ARHGEF4: variants seen among roughly 807,000 people sequenced by gnomAD.
ARHGEF4 encodes the protein APC-stimulated guanine nucleotide exchange factor 1.
A neutral mutation model predicts 162.0 loss-of-function variants in ARHGEF4; 119 were observed. The observed-to-expected ratio is 0.73, with a 90% CI of 0.63 to 0.86. The LOEUF (loss-of-function observed/expected upper bound fraction) is 0.86. Ranked by LOEUF, ARHGEF4 falls within the 40% of genes least tolerant of loss-of-function variation. The pLI is 0.00. For missense variants in ARHGEF4, 2,488 were observed against 2,456.0 expected (o/e 1.01, Z -0.28); for synonymous variants, 1,014 against 979.9 (o/e 1.03, Z -0.65).
chr2:131,031,789 G>A (rs1264016647), intron 5 of ARHGEF4, among the ~76,000 whole-genome samples: 1 of 152,192 alleles, frequency 6.6e-6, no homozygotes, highest in African/African-American at 2.4e-5. Flanking sequence ...TGTCTGCCCA[G>A]TTCCTCGCCC....
intron 1 of ARHGEF4, among the ~76,000 whole-genome samples, chr2:130,865,889 C>G (rs922945458): frequency 1.3e-5 from 2 of 152,072 alleles, no homozygotes; most frequent in Non-Finnish European, 2.9e-5. Context: ...TGGTGCCTGA[C>G]CAGCCCAGAG....
intron 3 of ARHGEF4, among the ~76,000 whole-genome samples, chr2:130,942,613 G>A (rs529158745): frequency 2.8e-4 from 42 of 152,228 alleles, no homozygotes; most frequent in African/African-American, 8.4e-4. Context: ...GAATAATAAC[G>A]CATACGTTGA....
intron 1 of ARHGEF4, among the ~76,000 whole-genome samples, chr2:130,855,540 C>T (rs867277269): frequency 2.0e-5 from 3 of 152,254 alleles, no homozygotes; most frequent in Non-Finnish European, 4.4e-5. Context: ...TGACAACCCA[C>T]GTGAAGTGTT....
chr2:130,913,088 C>T (rs1681290286), intron 1 of ARHGEF4, among the ~76,000 whole-genome samples: 1 of 151,994 alleles, frequency 6.6e-6, no homozygotes, highest in Non-Finnish European at 1.5e-5. Context: ...CAGGCATCGG[C>T]TGGGGGTCTT....
At chr2:130,842,201 AG>A (rs1213003794) in intron 1 of ARHGEF4, among the ~76,000 whole-genome samples, 1 of 152,200 alleles carries the variant, frequency 6.6e-6, no homozygotes, top group African/African-American at 2.4e-5. Context: ...AACAGCCTGA[AG>A]CAGCCAGAGA....
At chr2:130,868,042 C>T (rs967963902) in intron 1 of ARHGEF4, among the ~76,000 whole-genome samples, 1 of 150,746 alleles carries the variant, frequency 6.6e-6, no homozygotes, top group Non-Finnish European at 1.5e-5. Context: ...TCTCCTGCCT[C>T]AGCCTCCTGA....
intron 3 of ARHGEF4, among the ~76,000 whole-genome samples, chr2:130,939,645 G>T (rs1236218355): frequency 6.6e-6 from 1 of 152,134 alleles, no homozygotes; most frequent in African/African-American, 2.4e-5. Context: ...AGAATCTGAT[G>T]AGACTGCAGA....
At chr2:130,903,928 G>GGATAAAGTTGATTATCC (rs1559029614) in intron 1 of ARHGEF4, among the ~76,000 whole-genome samples, 1 of 152,148 alleles carries the variant, frequency 6.6e-6, no homozygotes. Context: ...GCCCACCACT[G>GGATAAAGTTGATTATCC]ATGGGCACCT....
intron 1 of ARHGEF4, among the ~76,000 whole-genome samples, chr2:130,854,840 T>G (rs1260435832): frequency 2.1e-5 from 3 of 145,404 alleles, no homozygotes; most frequent in South Asian, 2.2e-4. Context: ...GCTGGAGGAG[T>G]CTGACTTTTA....
Position 131,027,856 on chromosome 2 carries a change from C to T in ARHGEF4, c.3986-89C>T, listed in dbSNP as rs571023123. The T allele has an allele frequency of 1.2e-3, 1,834 of 1,511,912 alleles. 5 individuals carry two copies. The highest frequency in any genetic ancestry group is 1.1e-3 in the Non-Finnish European group (1,268 of 1,105,178). 93.7% of individuals were successfully genotyped at this position (1,511,912 alleles called of 1,614,324 possible). ...TCCCCCTGCAGAAGAAGCATTTGTCCTGAACCCACTGGGCTCCTTCTCCAC... is the reference window on the plus strand; with the variant it reads ...TCCCCCTGCAGAAGAAGCATTTGTCTTGAACCCACTGGGCTCCTTCTCCAC... On this transcript the variant is annotated intron_variant, in intron 4 of 13. Coordinates refer to ENST00000409359, the MANE Select transcript of ARHGEF4 (RefSeq NM_001367493.1).
At chr2:131,025,045 A>G (rs1007662306) in intron 4 of ARHGEF4, among the ~76,000 whole-genome samples, 4 of 152,158 alleles carry the variant, frequency 2.6e-5, no homozygotes, top group African/African-American at 9.7e-5. Flanking sequence ...GACAGAGTGT[A>G]TTAGTCCATT....
chr2:131,023,904 GCCATGGAATT>G (rs1443961024), intron 4 of ARHGEF4, among the ~76,000 whole-genome samples: 2 of 152,170 alleles, frequency 1.3e-5, no homozygotes, highest in Non-Finnish European at 2.9e-5. Flanking sequence ...GGCATGGAAT[GCCATGGAATT>G]CCATGGAATG....
At chr2:130,856,939 T>G (rs1681831507) in intron 1 of ARHGEF4, among the ~76,000 whole-genome samples, 2 of 152,220 alleles carry the variant, frequency 1.3e-5, no homozygotes, top group South Asian at 4.2e-4. Context: ...AAAGTTAACA[T>G]AGGCTGGGTG....
At chr2:130,884,727 G>C (rs189594727) in intron 1 of ARHGEF4, among the ~76,000 whole-genome samples, 7 of 152,256 alleles carry the variant, frequency 4.6e-5, no homozygotes, top group African/African-American at 1.7e-4. Context: ...AGCAGAGTTA[G>C]AGAAATACTG....
At chr2:130,887,684 T>C (rs1679602977) in intron 1 of ARHGEF4, among the ~76,000 whole-genome samples, 1 of 152,106 alleles carries the variant, frequency 6.6e-6, no homozygotes, top group South Asian at 2.1e-4. Context: ...AAGTGTCCAT[T>C]TTAGCAGTTT....
chr2:131,014,245 C>G (rs956402929), intron 4 of ARHGEF4, among the ~76,000 whole-genome samples: 30 of 152,264 alleles, frequency 2.0e-4, no homozygotes, highest in African/African-American at 7.2e-4. Context: ...TTGCAGCAAC[C>G]TAAACTTAGA....
intron 10 of ARHGEF4, among the ~76,000 whole-genome samples, chr2:131,042,395 C>A (rs1269998580): frequency 6.6e-6 from 1 of 152,194 alleles, no homozygotes; most frequent in Non-Finnish European, 1.5e-5. Flanking sequence ...TGCACATTTC[C>A]CTTTGCATCT....
intron 5 of ARHGEF4, among the ~76,000 whole-genome samples, chr2:131,028,392 T>G (rs1476990870): frequency 6.6e-6 from 1 of 151,914 alleles, no homozygotes; most frequent in Non-Finnish European, 1.5e-5. Context: ...GCTGGAGGAG[T>G]CCTACTTAGT....
Position 130,859,364 on chromosome 2 carries a change from G to C in ARHGEF4, c.39+22372G>C, listed in dbSNP as rs532763601. Among the ~76,000 whole-genome samples the C allele has an allele frequency of 4.4e-3, 408 of 92,450 alleles. 29 individuals carry two copies. Among genetic ancestry groups the C allele is most frequent in the African/African-American group, 0.011 (393 of 34,814 alleles). The allele number at this position is 92,450 out of a possible 152,430, so 60.7% of individuals were successfully genotyped here. ...GATCGTGCCACTGTACTGCAGCCTGGGAAACAGGGCAAGAGTCCATCTCAA... is the reference window on the plus strand; with the variant it reads ...GATCGTGCCACTGTACTGCAGCCTGCGAAACAGGGCAAGAGTCCATCTCAA... On this transcript the variant is annotated intron_variant, in intron 1 of 13. Transcript: ENST00000409359.
Sources: gnomAD v4.1 joint callset for allele counts (sites outside exome capture counted in the v4.1 genomes callset) on GRCh38, gnomAD v4.1.1 for gene constraint, MANE v1.5 for transcripts, NCBI Gene and HGNC (gene_info 2026-07-23, HGNC 2026-07-21) for gene names.